The following CDKN2B-AS1 variants were observed in gnomAD, a reference collection of about 807,000 sequenced individuals.
The protein encoded by CDKN2B-AS1 is CDKN2B and CDKN2A antisense cis and trans regulatory RNA 1, also known as CDKN2B antisense RNA 1 (non-protein coding).
intron 4 of CDKN2B-AS1, among the ~76,000 whole-genome samples, chr9:22,069,190 C>T (rs1024745061): frequency 6.6e-6 from 1 of 152,138 alleles, no homozygotes; most frequent in Admixed American, 6.5e-5. Flanking sequence ...CCCTGTCTTG[C>T]AGCTCCCTAA....
intron 1 of CDKN2B-AS1, chr9:22,008,949 C>T (rs763615328): frequency 6.2e-6 from 10 of 1,612,940 alleles, no homozygotes; most frequent in Non-Finnish European, 7.6e-6. Flanking sequence ...GTTCTCCTCG[C>T]GCATTCCGCA....
intron 4 of CDKN2B-AS1, among the ~76,000 whole-genome samples, chr9:22,107,503 C>T (rs1399997599): frequency 6.6e-6 from 1 of 152,186 alleles, no homozygotes; most frequent in Non-Finnish European, 1.5e-5. Flanking sequence ...CCTTGCAATT[C>T]TAGCTTTCAA....
chr9:22,026,918 C>T (rs978499814), intron 1 of CDKN2B-AS1, among the ~76,000 whole-genome samples: 8 of 152,086 alleles, frequency 5.3e-5, no homozygotes, highest in South Asian at 2.1e-4. Context: ...CCCAGAGTTG[C>T]GCATTCACTT....
intron 4 of CDKN2B-AS1, among the ~76,000 whole-genome samples, chr9:22,098,236 G>A (rs867734474): frequency 6.6e-6 from 1 of 151,220 alleles, no homozygotes; most frequent in Non-Finnish European, 1.5e-5. Flanking sequence ...TTATATATGT[G>A]TGTGTATACA....
At chr9:22,063,516 T>C (rs1172161409) in intron 4 of CDKN2B-AS1, among the ~76,000 whole-genome samples, 1 of 152,116 alleles carries the variant, frequency 6.6e-6, no homozygotes, top group African/African-American at 2.4e-5. Context: ...AGAGACCATA[T>C]GTTTGTTGTG....
chr9:22,084,091 C>T (rs934467042), intron 4 of CDKN2B-AS1, among the ~76,000 whole-genome samples: 5 of 152,160 alleles, frequency 3.3e-5, no homozygotes, highest in African/African-American at 1.2e-4. Context: ...TGCACCATTT[C>T]ATTGGATTCA....
At chr9:22,021,612 T>C (rs1437871969) in intron 1 of CDKN2B-AS1, among the ~76,000 whole-genome samples, 1 of 152,134 alleles carries the variant, frequency 6.6e-6, no homozygotes, top group Admixed American at 6.5e-5. Context: ...GAGCAGTAGT[T>C]TGTGGTTCTC....
intron 4 of CDKN2B-AS1, among the ~76,000 whole-genome samples, chr9:22,099,560 T>C (rs373990791): frequency 1.3e-5 from 2 of 152,166 alleles, no homozygotes; most frequent in African/African-American, 4.8e-5. Flanking sequence ...CAATGGCATG[T>C]TATAATTTCA....
At chr9:22,120,284 C>G (rs1030194848) in intron 4 of CDKN2B-AS1, 1 of 152,168 alleles carries the variant, frequency 6.6e-6, no homozygotes, top group Non-Finnish European at 1.5e-5. Flanking sequence ...AGGCTAGGGC[C>G]AGAGTCAAGA....
chr9:22,027,470 GTC>G (rs1401454878), intron 1 of CDKN2B-AS1, among the ~76,000 whole-genome samples: 5 of 152,180 alleles, frequency 3.3e-5, no homozygotes, highest in African/African-American at 1.2e-4. Context: ...GCTGATAAGA[GTC>G]TCTCGAAAAT....
intron 4 of CDKN2B-AS1, among the ~76,000 whole-genome samples, chr9:22,121,987 G>C (rs1311445752): frequency 6.6e-6 from 1 of 151,714 alleles, no homozygotes; most frequent in Non-Finnish European, 1.5e-5. Flanking sequence ...CTCCATAGTG[G>C]TTGTACTAGT....
At chr9:22,079,802 T>C (rs911263609) in intron 4 of CDKN2B-AS1, among the ~76,000 whole-genome samples, 3 of 152,210 alleles carry the variant, frequency 2.0e-5, no homozygotes, top group African/African-American at 7.2e-5. Context: ...CGGCATAGCT[T>C]GTTTTCTTCT....
At chr9:22,064,237 C>T (rs1479455055) in intron 4 of CDKN2B-AS1, among the ~76,000 whole-genome samples, 1 of 152,082 alleles carries the variant, frequency 6.6e-6, no homozygotes, top group Non-Finnish European at 1.5e-5. Flanking sequence ...ATGACACAAA[C>T]ATAGAAGTAT....
At chr9:22,099,545 A>C (rs1825408675) in intron 4 of CDKN2B-AS1, among the ~76,000 whole-genome samples, 1 of 152,190 alleles carries the variant, frequency 6.6e-6, no homozygotes, top group East Asian at 1.9e-4. Flanking sequence ...AATGAATCTT[A>C]CAATCAATGG....
chr9:22,012,142 T>G, intron 1 of CDKN2B-AS1: 2 of 1,183,934 alleles, frequency 1.7e-6, no homozygotes, highest in Non-Finnish European at 2.5e-6. Flanking sequence ...GCAGCCGAGC[T>G]GCAGACACAG....
At chr9:22,025,513 G>C (rs1344998139) in intron 1 of CDKN2B-AS1, among the ~76,000 whole-genome samples, 1 of 152,094 alleles carries the variant, frequency 6.6e-6, no homozygotes, top group Non-Finnish European at 1.5e-5. Context: ...TCCAGGCCTG[G>C]AGGACCTGCT....
At chr9:22,096,236 A>G (rs1037564321) in intron 4 of CDKN2B-AS1, 1 of 152,244 alleles carries the variant, frequency 6.6e-6, no homozygotes, top group Non-Finnish European at 1.5e-5. Flanking sequence ...AGAAGTTAGC[A>G]TTTATTCATT....
chr9:22,080,704 CT>C (rs918965535), intron 4 of CDKN2B-AS1, among the ~76,000 whole-genome samples: 2 of 152,198 alleles, frequency 1.3e-5, no homozygotes, highest in African/African-American at 4.8e-5. Flanking sequence ...CTGTTGAAGG[CT>C]TTTTGTAAGG....
At chr9:22,093,220 G>A (rs1825157671) in intron 4 of CDKN2B-AS1, among the ~76,000 whole-genome samples, 1 of 144,324 alleles carries the variant, frequency 6.9e-6, no homozygotes, top group African/African-American at 2.6e-5. Context: ...TACATTTGCT[G>A]AGGAGTGCTT....
Sources: gnomAD v4.1 joint callset for allele counts (sites outside exome capture counted in the v4.1 genomes callset) on GRCh38, gnomAD v4.1.1 for gene constraint, MANE v1.5 for transcripts, NCBI Gene and HGNC (gene_info 2026-07-23, HGNC 2026-07-21) for gene names.